The following MED1 variants were observed in gnomAD, a reference collection of about 807,000 sequenced individuals.
MED1 encodes the protein mediator complex subunit 1.
A neutral mutation model predicts 121.3 loss-of-function variants in MED1; 17 were observed. The observed-to-expected ratio is 0.14, with a 90% CI of 0.10 to 0.21. The LOEUF is 0.21. Ranked by LOEUF, MED1 falls within the 10% of genes least tolerant of loss-of-function variation. The pLI is 1.00. For synonymous variants in MED1, 661 were observed against 694.4 expected, an observed-to-expected ratio of 0.95 and a Z score of 0.76; for missense variants, 1,558 against 1,919.4, an observed-to-expected ratio of 0.81 and a Z score of 3.52.
chr17:39,410,429 C>G lies in MED1; in HGVS notation c.1792G>C (p.Val598Leu). 1 of 1,614,016 alleles carries G rather than the reference C, an allele frequency of 6.2e-7. No homozygotes were observed. The highest frequency in any genetic ancestry group is 1.1e-5 in the South Asian group (1 of 91,060). Residue 598 changes from valine (V) to leucine (L), a missense_variant, in exon 17 of 17, where the codon GTG (valine) becomes CTG (leucine). By Grantham distance (32) the Val-to-Leu change is conservative. This residue lies in a region of MED1 where 793 missense variants were observed against 898.2 expected (regional missense o/e 0.88). Coordinates refer to ENST00000300651, the MANE Select transcript of MED1 (RefSeq NM_004774.4). Reference protein sequence around the residue: ...SVGHGEDFSKVSQNPILTSLL... With the variant: ...SVGHGEDFSKLSQNPILTSLL... ...CTGGTAAGAATTGGGTTCTGAGACA[C>G]CTTGCTGAAGTCCTCCCCATGGCCC...
chr17:39,422,527 A>G (rs1597860701), intron 13 of MED1, among the ~76,000 whole-genome samples: 1 of 116,936 alleles, frequency 8.6e-6, no homozygotes, highest in Non-Finnish European at 1.6e-5. Flanking sequence ...CCCAGGCTGG[A>G]GTGCAGTGGC....
At chr17:39,443,699 T>C in intron 2 of MED1, 71 bp from the exon 3 acceptor site, 2 of 1,216,980 alleles carry the variant, frequency 1.6e-6, no homozygotes. Flanking sequence ...AACATACACA[T>C]TATCCTAGTA....
intron 3 of MED1, among the ~76,000 whole-genome samples, chr17:39,441,777 G>T (rs898450407): frequency 6.7e-6 from 1 of 149,310 alleles, no homozygotes; most frequent in Non-Finnish European, 1.5e-5. Context: ...CTGTCTCAAA[G>T]AAAAAGAAAA....
At chr17:39,449,136 A>G (rs868427546) in intron 1 of MED1, among the ~76,000 whole-genome samples, 2 of 152,118 alleles carry the variant, frequency 1.3e-5, no homozygotes, top group South Asian at 4.1e-4. Flanking sequence ...CCCATGCTCC[A>G]GGATCAAGTG....
In MED1 at chr17:39,408,899, C is replaced by A. The variant is rs781614012; in HGVS notation, c.3322G>T (p.Ala1108Ser). 3 of 1,614,002 alleles carry A rather than the reference C, an allele frequency of 1.9e-6. No homozygotes were observed. The highest frequency in any genetic ancestry group is 2.5e-6 in the Non-Finnish European group (3 of 1,180,040). ...CTTTTCATCTTCCCTGAGGTGGAAG[C>A]AGATGAGGAAGAGGAGGAAGAATGG... ...HSHSSSSSSS[A>S]STSGKMKSSK... The change falls in exon 17 of 17, where the codon GCT becomes TCT. Residue 1108 changes from alanine (A) to serine (S), a missense_variant. Ala to Ser is a moderately conservative substitution (Grantham distance 99). Coordinates refer to ENST00000300651, the MANE Select transcript of MED1 (RefSeq NM_004774.4). The surrounding 1 kb of genome is among the most constrained non-coding windows in gnomAD (Gnocchi z 4.7).
rs2048664780 is a variant in MED1, at chr17:39,440,452, T to C, written c.333A>G (p.Glu111=). The change falls in exon 5 of 17, where the codon GAA becomes GAG. Residue 111 remains glutamate (E), a synonymous_variant. Transcript: ENST00000300651. This position sits in a 1 kb window ranked among gnomAD's most constrained non-coding sequence, Gnocchi z 4.1. ...GCTGTCCTGCAGGATCTAACTGCAC[T>C]TCCACATAGAACATATCTGACGTGA... The part of the protein sequence containing the change: ...CYITSDMFYV[E]VQLDPAGQLC... The C allele has an allele frequency of 6.3e-7, 1 of 1,597,122 alleles. No individual in the cohort carries two copies.
chr17:39,434,571 G>A (rs1240787148), intron 6 of MED1, among the ~76,000 whole-genome samples: 3 of 152,180 alleles, frequency 2.0e-5, no homozygotes, highest in Non-Finnish European at 4.4e-5. Context: ...TAAAAGGAAG[G>A]TGGGCAAAAT....
intron 6 of MED1, among the ~76,000 whole-genome samples, chr17:39,434,774 T>A (rs2048602424): frequency 6.6e-6 from 1 of 152,154 alleles, no homozygotes; most frequent in South Asian, 2.1e-4. Context: ...CAACAACAGG[T>A]GTGCACCACC....
chr17:39,436,340 G>A (rs540721527), intron 6 of MED1, among the ~76,000 whole-genome samples: 5 of 140,230 alleles, frequency 3.6e-5, no homozygotes, highest in South Asian at 2.3e-4. Context: ...CAGCCTGGGC[G>A]ACAGAGCAAG....
At chr17:39,422,107 G>A (rs558390203) in intron 13 of MED1, among the ~76,000 whole-genome samples, 110 of 140,906 alleles carry the variant, frequency 7.8e-4, no homozygotes, top group African/African-American at 2.8e-3. Flanking sequence ...CAGCCTGGGC[G>A]ACACAGCAAG....
At position 39,408,627 on chromosome 17, in the gene MED1, T is replaced by C; in HGVS notation, c.3594A>G (p.Pro1198=). Residue 1198 remains proline (P), a synonymous_variant, in exon 17 of 17, where the codon CCA becomes CCG. Coordinates refer to ENST00000300651, the MANE Select transcript of MED1 (RefSeq NM_004774.4). This position sits in a 1 kb window ranked among gnomAD's most constrained non-coding sequence, Gnocchi z 4.7. ...KPNISPSHSR[P]PGGSDKLASP... is the part of the protein sequence containing the mutation. ...AGGCAAGCTTGTCAGAGCCTCCAGG[T>C]GGCCTTGAATGAGAAGGGGATATGT... 2 of 1,614,116 alleles carry C rather than the reference T, an allele frequency of 1.2e-6. No individual in the cohort carries two copies. Among genetic ancestry groups the C allele is most frequent in the Non-Finnish European group, 8.5e-7 (1 of 1,180,020 alleles).
Position 39,409,360 on chromosome 17 carries a change from T to C in MED1, c.2861A>G (p.Gln954Arg). ...ADLMEHHSGSQGPLLTTGDLG... is the reference protein window; with the variant it reads ...ADLMEHHSGSRGPLLTTGDLG... The stretch of plus-strand genomic sequence containing the variant: ...GTCCCCAGTGGTCAGTAAAGGACCC[T>C]GACTACCACTGTGATGCTCCATAAG... The change falls in exon 17 of 17, where the codon CAG becomes CGG. Residue 954 changes from glutamine (Q) to arginine (R), a missense_variant. By Grantham distance (43) the Gln-to-Arg change is conservative. Coordinates refer to ENST00000300651, the MANE Select transcript of MED1 (RefSeq NM_004774.4). The C allele has an allele frequency of 1.2e-6, 2 of 1,614,140 alleles. No individual in the cohort carries two copies. The highest frequency in any genetic ancestry group is 8.5e-7 in the Non-Finnish European group (1 of 1,180,008).
At chr17:39,412,624 C>T (rs1273456351) in intron 16 of MED1, among the ~76,000 whole-genome samples, 2 of 151,190 alleles carry the variant, frequency 1.3e-5, no homozygotes, top group East Asian at 1.9e-4. Context: ...CCGCAACTTC[C>T]GCCTCCCAGG....
At chr17:39,427,927 A>C in intron 9 of MED1, 137 bp from the exon 10 acceptor site, 1 of 580,492 alleles carries the variant, frequency 1.7e-6, no homozygotes, top group East Asian at 3.3e-5. Context: ...AAAACAGCTT[A>C]TGAAATATGG....
intron 1 of MED1, among the ~76,000 whole-genome samples, chr17:39,450,049 G>A (rs945540669): frequency 6.6e-6 from 1 of 151,730 alleles, no homozygotes; most frequent in African/African-American, 2.4e-5. Flanking sequence ...CCCAACCTCA[G>A]GTGATCCACC....
At chr17:39,414,481 G>A (rs576641436) in intron 16 of MED1, among the ~76,000 whole-genome samples, 4 of 150,866 alleles carry the variant, frequency 2.7e-5, no homozygotes, top group East Asian at 4.0e-4. Flanking sequence ...GACTACAGGC[G>A]CCCGCCACCA....
chr17:39,430,417 C>A (rs563182841), intron 9 of MED1, among the ~76,000 whole-genome samples: 1 of 151,734 alleles, frequency 6.6e-6, no homozygotes, highest in South Asian at 2.1e-4. Context: ...ATTGGCCAGG[C>A]GCAGTGGCTC....
chr17:39,427,762 G>T lies in MED1; in HGVS notation c.678C>A (p.Val226=). Residue 226 remains valine, a synonymous_variant, in exon 10 of 17, where the codon GTC becomes GTA. Coordinates refer to ENST00000300651, the MANE Select transcript of MED1 (RefSeq NM_004774.4). ...GGHLMNLKYY[V]SPSDLLDDKT... ...TGTCATCCAGTAGGTCAGAAGGAGAGACATAGTACTTCAGGTTCATTAAAT... is the reference window on the plus strand; with the variant it reads ...TGTCATCCAGTAGGTCAGAAGGAGATACATAGTACTTCAGGTTCATTAAAT... 6.2e-7 allele frequency: 1 copy of T among 1,602,540 alleles called. No individual in the cohort carries two copies. Among genetic ancestry groups the T allele is most frequent in the South Asian group, 1.1e-5 (1 of 90,544 alleles).
intron 1 of MED1, among the ~76,000 whole-genome samples, chr17:39,448,230 TGTG>T (rs1250129279): frequency 6.6e-6 from 1 of 150,412 alleles, no homozygotes; most frequent in Non-Finnish European, 1.5e-5. Flanking sequence ...ATTAGCCAGA[TGTG>T]GTGGTGCATG....
Sources: allele counts gnomAD v4.1 joint callset (sites outside exome capture counted in the v4.1 genomes callset), GRCh38; gene constraint gnomAD v4.1.1; regional missense constraint gnomAD v4.1.1; non-coding constraint Gnocchi (gnomAD v3.1); transcripts MANE v1.5; gene names NCBI Gene and HGNC (gene_info 2026-07-23, HGNC 2026-07-21).